Variants in MYRIP observed in about 807,000 individuals in gnomAD.
The protein encoded by MYRIP is myosin VIIA and Rab interacting protein.
A neutral mutation model predicts 98.0 loss-of-function variants in MYRIP; 49 were observed. The observed-to-expected ratio is 0.50, with a 90% CI of 0.40 to 0.63. The LOEUF (loss-of-function observed/expected upper bound fraction) is 0.63. Among genes scored for constraint, MYRIP ranks in the 30% least tolerant of loss-of-function variants. The pLI is 0.00. For synonymous variants in MYRIP, 404 were observed against 409.5 expected, an observed-to-expected ratio of 0.99 and a Z score of 0.16; for missense variants, 1,004 against 1,058.2, an observed-to-expected ratio of 0.95 and a Z score of 0.71.
At chr3:40,162,639 G>C in intron 4 of MYRIP, 91 bp from the exon 5 acceptor site, 3 of 1,100,820 alleles carry the variant, frequency 2.7e-6, no homozygotes, top group Non-Finnish European at 2.8e-6. Context: ...GTGTAATAGT[G>C]GTCTGCCAGT....
intron 1 of MYRIP, among the ~76,000 whole-genome samples, chr3:39,828,141 T>C (rs1017407505): frequency 2.0e-4 from 30 of 152,150 alleles, no homozygotes; most frequent in African/African-American, 6.8e-4. Context: ...TAGGAACTTA[T>C]GGAGTTTTCA....
At chr3:40,116,390 A>C (rs1949280230) in intron 3 of MYRIP, among the ~76,000 whole-genome samples, 1 of 147,590 alleles carries the variant, frequency 6.8e-6, no homozygotes, top group Non-Finnish European at 1.5e-5. Context: ...TGATACTGCC[A>C]TCTTCAGAAA....
intron 1 of MYRIP, among the ~76,000 whole-genome samples, chr3:39,849,958 C>G (rs1178466749): frequency 6.6e-6 from 1 of 152,184 alleles, no homozygotes; most frequent in Non-Finnish European, 1.5e-5. Flanking sequence ...GGATTTATAA[C>G]TTAGAGATTA....
intron 1 of MYRIP, among the ~76,000 whole-genome samples, chr3:39,830,262 CA>C (rs1445520317): frequency 6.6e-6 from 1 of 152,186 alleles, no homozygotes; most frequent in East Asian, 1.9e-4. Context: ...TAGCACTGGT[CA>C]AATCCTGATC....
chr3:39,994,258 G>C (rs1193863661), intron 2 of MYRIP, among the ~76,000 whole-genome samples: 1 of 152,398 alleles, frequency 6.6e-6, no homozygotes, highest in East Asian at 1.9e-4. Context: ...CATCCGGGAA[G>C]TGCAAGGGGT....
At position 40,129,017 on chromosome 3, in the gene MYRIP, C is replaced by A. The variant is rs562802168; in HGVS notation, c.333-22031C>A. Among the ~76,000 whole-genome samples, 2 of 151,952 alleles carry A rather than the reference C, an allele frequency of 1.3e-5. 1 individual carries two copies. The highest frequency in any genetic ancestry group is 4.8e-5 in the African/African-American group (2 of 41,364). On this transcript the variant is annotated intron_variant, in intron 3 of 16. Coordinates refer to ENST00000302541, the MANE Select transcript of MYRIP (RefSeq NM_015460.4). Reference sequence around the variant, plus strand: ...AAGTAGAATTTTAATTATTCAATTCCTCTTCAAAACTTTTTATCACCCAGT... The same window carrying A: ...AAGTAGAATTTTAATTATTCAATTCATCTTCAAAACTTTTTATCACCCAGT...
At chr3:40,069,351 C>A (rs1385963190) in intron 3 of MYRIP, among the ~76,000 whole-genome samples, 1 of 151,648 alleles carries the variant, frequency 6.6e-6, no homozygotes, top group Non-Finnish European at 1.5e-5. Context: ...AAATTCACAA[C>A]AGATTCTAAT....
chr3:40,191,467 T>C lies in MYRIP; in HGVS notation c.1665+1004T>C, dbSNP rs545934172. 5.3e-5 allele frequency among the ~76,000 whole-genome samples: 8 copies of C among 152,244 alleles called. No individual in the cohort carries two copies. The South Asian group carries it at 1.7e-3, about 32-fold the overall frequency. ...GCCCTATACTCTTAGTTTGGCCAGA[T>C]AGTGTCCCCTATGGCTGCAGACAAC... is the stretch of plus-strand genomic sequence containing the variant. On this transcript the variant is annotated intron_variant, in intron 10 of 16. Transcript: ENST00000302541.
At chr3:39,877,783 G>T (rs1943041461) in intron 1 of MYRIP, among the ~76,000 whole-genome samples, 1 of 152,128 alleles carries the variant, frequency 6.6e-6, no homozygotes, top group Admixed American at 6.5e-5. Context: ...AGGCTGCTCG[G>T]GGGTCAGGGG....
At chr3:40,236,844 G>C (rs895091537) in intron 12 of MYRIP, among the ~76,000 whole-genome samples, 17 of 148,978 alleles carry the variant, frequency 1.1e-4, no homozygotes, top group African/African-American at 4.3e-4. Flanking sequence ...TTATTGGAGA[G>C]TGTTTTTTTT....
chr3:40,212,921 A>C (rs575275483), intron 11 of MYRIP, among the ~76,000 whole-genome samples: 22 of 152,290 alleles, frequency 1.4e-4, no homozygotes, highest in Non-Finnish European at 2.9e-4. Flanking sequence ...ACCCTGTCTC[A>C]AAAATAAATA....
intron 3 of MYRIP, among the ~76,000 whole-genome samples, chr3:40,077,984 G>A (rs531374477): frequency 3.4e-4 from 52 of 152,352 alleles, no homozygotes; most frequent in African/African-American, 1.2e-3. Flanking sequence ...AGGGGGTGGC[G>A]CTCGTTGGGG....
chr3:40,158,587 A>T (rs1393668626), intron 4 of MYRIP, among the ~76,000 whole-genome samples: 1 of 152,064 alleles, frequency 6.6e-6, no homozygotes, highest in Non-Finnish European at 1.5e-5. Flanking sequence ...TCTAATGTTG[A>T]CAGTGGGGTG....
chr3:40,201,439 C>T (rs2125647181), intron 10 of MYRIP, among the ~76,000 whole-genome samples: 2 of 151,776 alleles, frequency 1.3e-5, no homozygotes, highest in Non-Finnish European at 2.9e-5. Context: ...ATATGAAGGA[C>T]TCAGAAATCA....
chr3:40,132,581 C>T (rs909953665), intron 3 of MYRIP, among the ~76,000 whole-genome samples: 2 of 152,262 alleles, frequency 1.3e-5, no homozygotes, highest in African/African-American at 2.4e-5. Flanking sequence ...AGACCAGGTA[C>T]AGGCCCTGGG....
intron 3 of MYRIP, among the ~76,000 whole-genome samples, chr3:40,123,745 G>A (rs561703732): frequency 6.6e-6 from 1 of 152,302 alleles, no homozygotes; most frequent in South Asian, 2.1e-4. Flanking sequence ...TGCCCCACCT[G>A]TAGCTAAGGG....
chr3:40,194,634 G>C (rs1445280058), intron 10 of MYRIP, among the ~76,000 whole-genome samples: 3 of 152,054 alleles, frequency 2.0e-5, no homozygotes, highest in African/African-American at 7.2e-5. Flanking sequence ...GATTGGAATT[G>C]CGTTAAATGT....
At chr3:40,240,897 G>T (rs183837500) in intron 12 of MYRIP, among the ~76,000 whole-genome samples, 88 of 152,278 alleles carry the variant, frequency 5.8e-4, no homozygotes, top group African/African-American at 2.1e-3. Context: ...GTTAAGGGAT[G>T]CTGAGGGTGG....
intron 2 of MYRIP, among the ~76,000 whole-genome samples, chr3:39,961,486 G>A (rs752484504): frequency 6.6e-6 from 1 of 152,070 alleles, no homozygotes; most frequent in African/African-American, 2.4e-5. Context: ...CAGTTCCCAC[G>A]ATTTGCGAGT....
Sources: allele counts gnomAD v4.1 joint callset (sites outside exome capture counted in the v4.1 genomes callset), GRCh38; gene constraint gnomAD v4.1.1; transcripts MANE v1.5; gene names NCBI Gene and HGNC (gene_info 2026-07-23, HGNC 2026-07-21).